PDIA4: variants seen among roughly 807,000 people sequenced by gnomAD.
The protein encoded by PDIA4 is protein disulfide isomerase family A member 4.
PDIA4 carries 33 observed loss-of-function variants against 62.1 expected under a neutral mutation model. The observed-to-expected ratio is 0.53, with a 90% CI of 0.40 to 0.71. The LOEUF (loss-of-function observed/expected upper bound fraction) is 0.71, where lower values mean the gene tolerates loss of function less well. Among genes scored for constraint, PDIA4 ranks in the 30% least tolerant of loss-of-function variants. PDIA4 has a pLI of 0.00. For synonymous variants in PDIA4, 341 were observed against 324.1 expected, an observed-to-expected ratio of 1.05 and a Z score of -0.56; for missense variants, 804 against 813.6, an observed-to-expected ratio of 0.99 and a Z score of 0.14.
chr7:149,005,293 T>C lies in PDIA4; in HGVS notation c.1370A>G (p.Asp457Gly), dbSNP rs1563118768. ...EYTFAIADEE[D>G]YAGEVKDLGL... ...CAGGTCCTTCACCTCCCCAGCATAG[T>C]CCTCTTCGTCCGCAATGGCAAAGGT... Residue 457 changes from aspartate (D) to glycine (G), a missense_variant, in exon 9 of 10, where the codon GAC becomes GGC. Transcript: ENST00000652332. 1 of 1,614,096 alleles carries C rather than the reference T, an allele frequency of 6.2e-7. No individual in the cohort carries two copies.
chr7:149,028,311 T>TGCCGCTCACCCTC lies in PDIA4; in HGVS notation c.85_88+9dup. The TGCCGCTCACCCTC allele has an allele frequency of 6.6e-7, 1 of 1,516,944 alleles. No homozygotes were observed. Among genetic ancestry groups the TGCCGCTCACCCTC allele is most frequent in the East Asian group, 2.6e-5 (1 of 37,926 alleles). 94.0% of individuals were successfully genotyped at this position (1,516,944 alleles called of 1,614,324 possible). On this transcript the variant is annotated intron_variant, in intron 1 of 9. Transcript: ENST00000652332. ...AGCACAGCCCGACCCGCGGCGCGCTTGCCGCTCACCCTCGTCCGGGCCCTC... is the reference window on the plus strand; with the variant it reads ...AGCACAGCCCGACCCGCGGCGCGCTTGCCGCTCACCCTCGCCGCTCACCCTCGTCCGGGCCCTC...
intron 9 of PDIA4, among the ~76,000 whole-genome samples, chr7:149,004,519 T>C (rs1823672622): frequency 1.3e-5 from 2 of 151,956 alleles, no homozygotes; most frequent in South Asian, 2.1e-4. Context: ...CCGGGAGCCA[T>C]GGGGGGGAGG....
Position 149,005,986 on chromosome 7 carries a change from C to T in PDIA4, c.1199G>A (p.Arg400His), listed in dbSNP as rs780487329. ...LKYALPLVGHRKVSNDAKRYT... is the reference protein window; with the variant it reads ...LKYALPLVGHHKVSNDAKRYT... ...GCGCTTAGCATCGTTTGACACCTTGCGGTGGCCAACCAGGGGCAGGGCGTA... is the reference window on the plus strand; with the variant it reads ...GCGCTTAGCATCGTTTGACACCTTGTGGTGGCCAACCAGGGGCAGGGCGTA... The change falls in exon 8 of 10, where the codon CGC becomes CAC. Residue 400 changes from arginine (R) to histidine (H), a missense_variant. Transcript: ENST00000652332. 5.8e-6 allele frequency: 9 copies of T among 1,546,304 alleles called. No homozygotes were observed. Among genetic ancestry groups the T allele is most frequent in the African/African-American group, 2.9e-5 (2 of 69,900 alleles).
At chr7:149,008,012 G>C (rs1457896663) in intron 7 of PDIA4, 147 bp downstream of exon 7, 2 of 731,554 alleles carry the variant, frequency 2.7e-6, no homozygotes, top group African/African-American at 3.6e-5. Context: ...GAAAACCTGT[G>C]GGGTGGGGAG....
chr7:149,017,639 TAAATACATTTTATCAAAATA>T (rs1270814090), intron 3 of PDIA4, among the ~76,000 whole-genome samples: 5,252 of 148,508 alleles, frequency 0.035, 245 homozygotes, highest in African/African-American at 0.1. Flanking sequence ...AAAATAAAAT[TAAATACATTTTATCAAAATA>T]AAATACATTT....
At chr7:149,012,548 T>G (rs1171173582) in intron 4 of PDIA4, among the ~76,000 whole-genome samples, 188 bp from the exon 5 acceptor site, 1 of 152,024 alleles carries the variant, frequency 6.6e-6, no homozygotes, top group Non-Finnish European at 1.5e-5. Context: ...AGACACAAAC[T>G]TCATCCCACA....
chr7:149,012,417 G>T, intron 4 of PDIA4, 57 bp from the exon 5 acceptor site: 2 of 1,444,426 alleles, frequency 1.4e-6, no homozygotes, highest in Non-Finnish European at 1.9e-6. Flanking sequence ...TCACTTTCTA[G>T]CTAAATGAGC....
chr7:149,023,860 A>G (rs529249259), intron 1 of PDIA4, among the ~76,000 whole-genome samples: 2 of 152,364 alleles, frequency 1.3e-5, no homozygotes, highest in South Asian at 2.1e-4. Flanking sequence ...CAACATTACA[A>G]TGTGACAGAG....
chr7:149,020,960 T>A lies in PDIA4; in HGVS notation c.269+7A>T, dbSNP rs2306171. 118 of 1,613,528 alleles carry A rather than the reference T, an allele frequency of 7.3e-5. 2 individuals are homozygous for A. The East Asian group carries it at 2.6e-3, about 35-fold the overall frequency. On this transcript the variant is annotated splice_region_variant and intron_variant, in intron 2 of 9. Transcript: ENST00000652332. ...TCCACCTGCAGAAATTAGAACGCGGTCCTTACCATGGAGCATAAAACTCCA... is the reference window on the plus strand; with the variant it reads ...TCCACCTGCAGAAATTAGAACGCGGACCTTACCATGGAGCATAAAACTCCA...
intron 6 of PDIA4, among the ~76,000 whole-genome samples, chr7:149,009,574 T>C (rs1384360362): frequency 1.3e-5 from 2 of 152,170 alleles, no homozygotes; most frequent in Non-Finnish European, 2.9e-5. Flanking sequence ...TACTTTTACT[T>C]AAATCCGTGA....
chr7:149,017,374 G>A (rs933424858), intron 3 of PDIA4, among the ~76,000 whole-genome samples: 4 of 152,092 alleles, frequency 2.6e-5, no homozygotes, highest in African/African-American at 9.7e-5. Context: ...ACCTGAGGTT[G>A]GGAGTTTGAG....
chr7:149,028,283 G>GC (rs1362763571), intron 1 of PDIA4, 38 bp downstream of exon 1: 6 of 1,460,616 alleles, frequency 4.1e-6, no homozygotes, highest in African/African-American at 1.5e-5. Context: ...TGCAGCCCCC[G>GC]CAAGCACAGC....
intron 1 of PDIA4, among the ~76,000 whole-genome samples, chr7:149,025,815 C>T (rs895491238): frequency 2.6e-5 from 4 of 151,998 alleles, no homozygotes; most frequent in Admixed American, 6.6e-5. Context: ...TTCCTTAGCA[C>T]GAAAAATAGG....
chr7:149,024,552 C>T (rs1472320257), intron 1 of PDIA4, among the ~76,000 whole-genome samples: 1 of 152,190 alleles, frequency 6.6e-6, no homozygotes, highest in East Asian at 1.9e-4. Context: ...TGGCTCATGC[C>T]TGTAATCCAC....
At chr7:149,017,441 G>A (rs1050968933) in intron 3 of PDIA4, among the ~76,000 whole-genome samples, 5 of 152,044 alleles carry the variant, frequency 3.3e-5, no homozygotes, top group Non-Finnish European at 5.9e-5. Flanking sequence ...AAAATTAGCC[G>A]GGCGTGGTGG....
chr7:149,019,288 G>A, intron 2 of PDIA4, 91 bp from the exon 3 acceptor site: 2 of 921,598 alleles, frequency 2.2e-6, no homozygotes, highest in Non-Finnish European at 1.8e-6. Context: ...GTTTGGATGT[G>A]GTTTGTCCAC....
Position 149,019,104 on chromosome 7 carries a change from A to G in PDIA4, c.363T>C (p.Asp121=). 6.2e-7 allele frequency: 1 copy of G among 1,613,796 alleles called. No individual in the cohort carries two copies. Among genetic ancestry groups the G allele is most frequent in the Admixed American group, 1.7e-5 (1 of 59,980 alleles). Residue 121 remains aspartate, a synonymous_variant, in exon 3 of 10, where the codon GAT becomes GAC. Coordinates refer to ENST00000652332, the MANE Select transcript of PDIA4 (RefSeq NM_004911.5). The stretch of plus-strand genomic sequence containing the variant: ...TGGCCAGCACAGACGCTGAGGTTGC[A>G]TCGATCTTGGCAACAGGAATGGGAG... The part of the protein sequence containing the change: ...KDPPIPVAKI[D]ATSASVLASR...
At position 149,004,153 on chromosome 7, in the gene PDIA4, C is replaced by T. The variant is rs61739277; in HGVS notation, c.1579G>A (p.Val527Ile). 1,994 of 1,614,056 alleles carry T rather than the reference C, an allele frequency of 1.2e-3. 25 individuals carry two copies. The African/African-American group carries it at 0.023, about 18-fold the overall frequency. ...AAGGTCTTTCCCACCACGACCTTGACGGGTCCCTTGTTGTTCTTGGGCACT... is the reference window on the plus strand; with the variant it reads ...AAGGTCTTTCCCACCACGACCTTGATGGGTCCCTTGTTGTTCTTGGGCACT... ...QPVPKNNKGPVKVVVGKTFDS... is the reference protein window; with the variant it reads ...QPVPKNNKGPIKVVVGKTFDS... The change falls in exon 10 of 10, where the codon GTC (valine) becomes ATC (isoleucine). Residue 527 changes from valine to isoleucine, a missense_variant. Coordinates refer to ENST00000652332, the MANE Select transcript of PDIA4 (RefSeq NM_004911.5).
rs145254043 is a variant in PDIA4 at position 149,011,626 on chromosome 7, G to C, written c.979+220C>G. On this transcript the variant is annotated intron_variant, in intron 6 of 9. Transcript: ENST00000652332. ...GAAGGCAGACATGGAGCTGGGACCGGTCTGACTGTGCCCCTCCCCTGCACC... is the reference window on the plus strand; with the variant it reads ...GAAGGCAGACATGGAGCTGGGACCGCTCTGACTGTGCCCCTCCCCTGCACC... Among the ~76,000 whole-genome samples, 297 of 152,296 alleles carry C rather than the reference G, an allele frequency of 2.0e-3. 3 individuals carry two copies. The highest frequency in any genetic ancestry group is 6.7e-3 in the African/African-American group (277 of 41,554).
Sources: gnomAD v4.1 joint callset for allele counts (sites outside exome capture counted in the v4.1 genomes callset) on GRCh38, gnomAD v4.1.1 for gene constraint, MANE v1.5 for transcripts, NCBI Gene and HGNC (gene_info 2026-07-23, HGNC 2026-07-21) for gene names.